The following CHSY3 variants were observed in gnomAD, a reference collection of about 807,000 sequenced individuals.
CHSY3 encodes the protein N-acetylgalactosaminyl-proteoglycan 3-beta-glucuronosyltransferase 3.
CHSY3 carries 35 observed loss-of-function variants against 67.2 expected under a neutral mutation model. The ratio of observed to expected loss-of-function variants is 0.52; its 90% confidence interval spans 0.40 to 0.69. The LOEUF (loss-of-function observed/expected upper bound fraction) is 0.69, where lower values mean the gene tolerates loss of function less well. CHSY3 is among the 30% of genes least tolerant of loss of function. The pLI, the probability that CHSY3 is intolerant of heterozygous loss-of-function variation, is 0.00. For synonymous variants in CHSY3, 474 were observed against 434.7 expected (o/e 1.09, Z -1.12); for missense variants, 1,069 against 1,138.5 (o/e 0.94, Z 0.88).
At chr5:129,948,418 A>C (rs572048679) in intron 2 of CHSY3, among the ~76,000 whole-genome samples, 2 of 152,268 alleles carry the variant, frequency 1.3e-5, no homozygotes, top group Non-Finnish European at 2.9e-5. Context: ...CCCACTTACA[A>C]ATGAGGACAT....
intron 2 of CHSY3, among the ~76,000 whole-genome samples, chr5:129,909,594 T>C (rs1008415452): frequency 3.3e-5 from 5 of 152,006 alleles, no homozygotes; most frequent in Admixed American, 6.6e-5. Flanking sequence ...TTTCTTTTGA[T>C]AATAAAATGG....
intron 2 of CHSY3, among the ~76,000 whole-genome samples, chr5:129,978,412 C>T (rs1762874609): frequency 6.6e-6 from 1 of 152,062 alleles, no homozygotes; most frequent in Non-Finnish European, 1.5e-5. Flanking sequence ...TGGAGATGTA[C>T]AAATACATAT....
At chr5:130,082,626 A>G (rs1361040869) in intron 2 of CHSY3, among the ~76,000 whole-genome samples, 1 of 152,016 alleles carries the variant, frequency 6.6e-6, no homozygotes, top group Non-Finnish European at 1.5e-5. Flanking sequence ...TTCCTTAATG[A>G]ATATTTTCCT....
intron 2 of CHSY3, chr5:129,974,881 T>C (rs1459418712): frequency 6.6e-6 from 1 of 152,094 alleles, no homozygotes; most frequent in Non-Finnish European, 1.5e-5. Flanking sequence ...ATAATTGAAA[T>C]CTAACACTAG....
At chr5:129,941,380 T>G (rs1761693978) in intron 2 of CHSY3, among the ~76,000 whole-genome samples, 1 of 152,172 alleles carries the variant, frequency 6.6e-6, no homozygotes, top group Non-Finnish European at 1.5e-5. Flanking sequence ...TCTTTATTCA[T>G]TATATTAAAT....
intron 2 of CHSY3, among the ~76,000 whole-genome samples, chr5:130,148,036 C>T (rs1769122868): frequency 6.6e-6 from 1 of 151,936 alleles, no homozygotes; most frequent in South Asian, 2.1e-4. Flanking sequence ...GTGCTGTTTC[C>T]CTTTATGTGT....
chr5:129,945,922 A>G (rs1761842997), intron 2 of CHSY3, among the ~76,000 whole-genome samples: 1 of 152,086 alleles, frequency 6.6e-6, no homozygotes, highest in Non-Finnish European at 1.5e-5. Flanking sequence ...TATTCTGTAG[A>G]TGTGAGCTCT....
intron 2 of CHSY3, among the ~76,000 whole-genome samples, chr5:129,947,875 C>T (rs1761907268): frequency 6.6e-6 from 1 of 152,092 alleles, no homozygotes; most frequent in Non-Finnish European, 1.5e-5. Flanking sequence ...ATGTTGAACA[C>T]CTTTTAATAT....
intron 2 of CHSY3, among the ~76,000 whole-genome samples, chr5:130,122,791 G>A (rs1768089909): frequency 6.6e-6 from 1 of 152,188 alleles, no homozygotes; most frequent in South Asian, 2.1e-4. Flanking sequence ...AAGCCTAAGT[G>A]TGTTTTTCTT....
chr5:130,143,098 A>C (rs931819051), intron 2 of CHSY3, among the ~76,000 whole-genome samples: 1 of 152,204 alleles, frequency 6.6e-6, no homozygotes, highest in East Asian at 1.9e-4. Context: ...TATTCAAAAA[A>C]ATAAATCCTT....
At chr5:129,907,272 G>T (rs1760341532) in intron 1 of CHSY3, among the ~76,000 whole-genome samples, 1 of 152,090 alleles carries the variant, frequency 6.6e-6, no homozygotes, top group East Asian at 1.9e-4. Flanking sequence ...TTTGAATTAA[G>T]AATCCAATAA....
At chr5:130,143,780 A>ATGTGTGTATATATATATATG (rs1181042128) in intron 2 of CHSY3, among the ~76,000 whole-genome samples, 1 of 60,406 alleles carries the variant, frequency 1.7e-5, no homozygotes, top group African/African-American at 9.3e-5. Flanking sequence ...ATATATATAT[A>ATGTGTGTATATATATATATG]TGTGTATATA....
At chr5:129,989,108 T>C (rs755330342) in intron 2 of CHSY3, among the ~76,000 whole-genome samples, 17 of 152,122 alleles carry the variant, frequency 1.1e-4, no homozygotes, top group Non-Finnish European at 2.2e-4. Context: ...ACAGACTGGG[T>C]AATTTATAAC....
intron 2 of CHSY3, among the ~76,000 whole-genome samples, chr5:130,032,416 G>A (rs1324311804): frequency 6.6e-6 from 1 of 152,146 alleles, no homozygotes; most frequent in Non-Finnish European, 1.5e-5. Flanking sequence ...AGCTTTGGCA[G>A]AGACACATTA....
At chr5:130,069,206 G>A (rs186709361) in intron 2 of CHSY3, among the ~76,000 whole-genome samples, 11 of 152,038 alleles carry the variant, frequency 7.2e-5, no homozygotes, top group East Asian at 1.9e-4. Context: ...GCCTGTGGTC[G>A]GTCATCTTCT....
At chr5:130,091,328 C>T (rs182957988) in intron 2 of CHSY3, among the ~76,000 whole-genome samples, 196 of 152,212 alleles carry the variant, frequency 1.3e-3, no homozygotes, top group East Asian at 4.3e-3. Context: ...TCTTTTGTGG[C>T]GTTTTGTTTC....
At chr5:129,907,782 G>A (rs753294852) in intron 1 of CHSY3, among the ~76,000 whole-genome samples, 1 of 152,102 alleles carries the variant, frequency 6.6e-6, no homozygotes, top group Non-Finnish European at 1.5e-5. Flanking sequence ...TAAGAAACCT[G>A]TCTTTACTTT....
chr5:130,090,744 A>G (rs975537440), intron 2 of CHSY3, among the ~76,000 whole-genome samples: 4 of 152,116 alleles, frequency 2.6e-5, no homozygotes, highest in African/African-American at 9.7e-5. Flanking sequence ...TTTCCCGTTA[A>G]GACTGTCTTG....
chr5:129,942,957 C>A (rs1243333734), intron 2 of CHSY3, among the ~76,000 whole-genome samples: 1 of 152,126 alleles, frequency 6.6e-6, no homozygotes, highest in African/African-American at 2.4e-5. Flanking sequence ...AAAAGAGTGA[C>A]ATTTGCATTC....
Sources: gnomAD v4.1 joint callset for allele counts (sites outside exome capture counted in the v4.1 genomes callset) on GRCh38, gnomAD v4.1.1 for gene constraint, MANE v1.5 for transcripts, NCBI Gene and HGNC (gene_info 2026-07-23, HGNC 2026-07-21) for gene names.